The following TTC6 variants were observed in gnomAD, a reference collection of about 807,000 sequenced individuals.
The protein encoded by TTC6 is tetratricopeptide repeat protein 6.
In TTC6, 172 loss-of-function variants were observed where a neutral mutation model predicts 210.4. The observed-to-expected ratio is 0.82, with a 90% CI of 0.72 to 0.93. The LOEUF (loss-of-function observed/expected upper bound fraction) is 0.93. Among genes scored for constraint, TTC6 ranks in the 40% least tolerant of loss-of-function variants. The pLI, the probability that TTC6 is intolerant of heterozygous loss-of-function variation, is 0.00. For missense variants in TTC6, 2,414 were observed against 2,318.1 expected (o/e 1.04, Z -0.85); for synonymous variants, 804 against 819.6 (o/e 0.98, Z 0.32).
intron 18 of TTC6, 22 bp from the exon 21 acceptor site, chr14:37,796,272 C>T (rs2096092519): frequency 9.1e-7 from 1 of 1,096,016 alleles, no homozygotes; most frequent in African/African-American, 1.6e-5. Context: ...TGCTTAGAAT[C>T]AAAATCGATT....
intron 26 of TTC6, among the ~76,000 whole-genome samples, chr14:37,819,194 G>C (rs535726219): frequency 6.6e-6 from 1 of 152,032 alleles, no homozygotes; most frequent in Non-Finnish European, 1.5e-5. Flanking sequence ...CACGTGTTTC[G>C]AGTTCTAAGT....
intron 14 of TTC6, among the ~76,000 whole-genome samples, chr14:37,769,910 A>G (rs927069899): frequency 1.3e-5 from 2 of 151,438 alleles, no homozygotes; most frequent in African/African-American, 4.8e-5. Context: ...GTCAATTTTG[A>G]ATCTTTCCTG....
chr14:37,764,766 C>A (rs958142965), intron 14 of TTC6, among the ~76,000 whole-genome samples: 2 of 151,666 alleles, frequency 1.3e-5, no homozygotes, highest in Non-Finnish European at 2.9e-5. Flanking sequence ...AACCTATTTA[C>A]ATTTAATGCA....
At chr14:37,740,351 T>G (rs2095915300) in intron 10 of TTC6, among the ~76,000 whole-genome samples, 1 of 152,172 alleles carries the variant, frequency 6.6e-6, no homozygotes, top group African/African-American at 2.4e-5. Context: ...CATAACTTTC[T>G]TATAACAAAC....
intron 3 of TTC6, among the ~76,000 whole-genome samples, chr14:37,692,693 C>G (rs1407174700): frequency 6.6e-6 from 1 of 151,518 alleles, no homozygotes; most frequent in Non-Finnish European, 1.5e-5. Context: ...ACCCCATCTC[C>G]ACTAAAAATA....
chr14:37,827,123 T>G, intron 28 of TTC6, 73 bp from the exon 31 acceptor site: 2 of 1,247,550 alleles, frequency 1.6e-6, no homozygotes, highest in Non-Finnish European at 2.2e-6. Context: ...TCCCTAATGT[T>G]CATTTTGGCA....
chr14:37,784,076 C>T (rs1048552056), intron 14 of TTC6, among the ~76,000 whole-genome samples: 1 of 152,048 alleles, frequency 6.6e-6, no homozygotes, highest in African/African-American at 2.4e-5. Context: ...TGGAATAAGT[C>T]CGATGTGGTG....
chr14:37,806,585 T>A, intron 22 of TTC6, 75 bp downstream of exon 24: 3 of 1,343,608 alleles, frequency 2.2e-6, no homozygotes, highest in Non-Finnish European at 2.0e-6. Flanking sequence ...TATGTGCCAT[T>A]GTTATTAATT....
Position 37,825,437 on chromosome 14 carries a change from G to T in TTC6, c.4975-758G>T, listed in dbSNP as rs1350761519. ...CCTAGGCTCAGCTTGGTTAAAGTGA[G>T]TCAGCTTCCGAGATCTGGCAAGATG... On this transcript the variant is annotated intron_variant, in intron 27 of 30. Transcript: ENST00000553443. Among the ~76,000 whole-genome samples the T allele has an allele frequency of 3.3e-5, 5 of 152,058 alleles. 1 individual carries two copies. Among genetic ancestry groups the T allele is most frequent in the Admixed American group, 1.3e-4 (2 of 15,242 alleles).
intron 2 of TTC6, among the ~76,000 whole-genome samples, chr14:37,616,156 A>C (rs2095642320): frequency 6.6e-6 from 1 of 152,178 alleles, no homozygotes; most frequent in Non-Finnish European, 1.5e-5. Context: ...CATATACGTG[A>C]ATCAAAGGTC....
chr14:37,713,861 T>A (rs34747911), intron 5 of TTC6, among the ~76,000 whole-genome samples: 8,697 of 152,282 alleles, frequency 0.057, 383 homozygotes, highest in Non-Finnish European at 0.089. Context: ...TAACTCGTAA[T>A]GTGTTTCTTC....
At chr14:37,654,551 C>T (rs1385966322) in intron 1 of TTC6, among the ~76,000 whole-genome samples, 6 of 152,062 alleles carry the variant, frequency 3.9e-5, no homozygotes, top group South Asian at 2.1e-4. Context: ...CCTGCAGAAC[C>T]GTGAGCCAAT....
chr14:37,616,836 C>T (rs1315680605), intron 2 of TTC6, among the ~76,000 whole-genome samples: 1 of 151,576 alleles, frequency 6.6e-6, no homozygotes, highest in Non-Finnish European at 1.5e-5. Flanking sequence ...AGTACAATGA[C>T]CATTAAACAT....
At chr14:37,763,092 G>A (rs531592207) in intron 14 of TTC6, among the ~76,000 whole-genome samples, 1 of 151,714 alleles carries the variant, frequency 6.6e-6, no homozygotes, top group South Asian at 2.1e-4. Context: ...GTTTCACCAT[G>A]TAAGCCAGGA....
At chr14:37,709,980 TG>T (rs1176790926) in intron 5 of TTC6, among the ~76,000 whole-genome samples, 1 of 152,106 alleles carries the variant, frequency 6.6e-6, no homozygotes, top group Non-Finnish European at 1.5e-5. Flanking sequence ...ACCCAGTGAG[TG>T]GGTTGTGAAA....
rs79638811 is a variant in TTC6, at chr14:37,811,143, G to A, written c.4570-1171G>A. ...ACCCCTTACCCTCGTTGACCTTTAC[G>A]AAATCTTATTTCCCAGTTTTTATTT... is the stretch of plus-strand genomic sequence containing the variant. On this transcript the variant is annotated intron_variant, in intron 24 of 30. Transcript: ENST00000553443. Among the ~76,000 whole-genome samples, 1,374 of 152,134 alleles carry A rather than the reference G, an allele frequency of 9.0e-3. 24 individuals carry two copies. The highest frequency in any genetic ancestry group is 0.031 in the African/African-American group (1,287 of 41,492).
chr14:37,626,346 T>G (rs927230484), intron 1 of TTC6, among the ~76,000 whole-genome samples: 2 of 152,220 alleles, frequency 1.3e-5, no homozygotes, highest in Non-Finnish European at 2.9e-5. Context: ...TGCGTAGTTG[T>G]TTTTGATCAT....
At chr14:37,755,692 G>A (rs755782369) in intron 14 of TTC6, among the ~76,000 whole-genome samples, 5 of 152,032 alleles carry the variant, frequency 3.3e-5, no homozygotes, top group Non-Finnish European at 5.9e-5. Context: ...TGAGGTCTCT[G>A]TTCTGTTCCA....
rs562654473 is a variant in TTC6 at position 37,741,123 on chromosome 14, A to G, written c.2363+1968A>G. On this transcript the variant is annotated intron_variant, in intron 10 of 30. Transcript: ENST00000553443. The stretch of plus-strand genomic sequence containing the variant: ...AGGCAGTAAAACAAACTGTGGGAGT[A>G]TTGTTAGTACAGCTTTCCTACCTTT... 4.6e-5 allele frequency among the ~76,000 whole-genome samples: 7 copies of G among 152,298 alleles called. No individual in the cohort carries two copies. The East Asian group carries it at 1.2e-3, about 25-fold the overall frequency.
Sources: allele counts gnomAD v4.1 joint callset (sites outside exome capture counted in the v4.1 genomes callset), GRCh38; gene constraint gnomAD v4.1.1; transcripts MANE v1.5; gene names NCBI Gene and HGNC (gene_info 2026-07-23, HGNC 2026-07-21).